ZFYVE9: variants seen among roughly 807,000 people sequenced by gnomAD.
The protein encoded by ZFYVE9 is zinc finger FYVE-type containing 9.
In ZFYVE9, 43 loss-of-function variants were observed where a neutral mutation model predicts 126.7. The ratio of observed to expected loss-of-function variants is 0.34; its 90% CI spans 0.27 to 0.44. The LOEUF is 0.44. ZFYVE9 is among the 20% of genes least tolerant of loss of function. The probability of loss-of-function intolerance (pLI) is 1.00; values close to 1 mark genes in which losing one functional copy is unlikely to be tolerated. For missense variants in ZFYVE9, 1,476 were observed against 1,697.0 expected (o/e 0.87, Z 2.29); for synonymous variants, 521 against 597.4 (o/e 0.87, Z 1.87).
chr1:52,162,474 T>A, intron 1 of ZFYVE9: 1 of 252,906 alleles, frequency 4.0e-6, no homozygotes, highest in South Asian at 6.3e-5. Flanking sequence ...ATCATCCAGC[T>A]CCTTTCTGTT....
At chr1:52,308,032 G>C (rs1005763994) in intron 13 of ZFYVE9, among the ~76,000 whole-genome samples, 1 of 152,124 alleles carries the variant, frequency 6.6e-6, no homozygotes, top group Admixed American at 6.5e-5. Context: ...GATTACAGGC[G>C]TGAGCCACTG....
chr1:52,225,488 A>G (rs967447599), intron 2 of ZFYVE9, among the ~76,000 whole-genome samples: 1 of 152,240 alleles, frequency 6.6e-6, no homozygotes, highest in African/African-American at 2.4e-5. Context: ...ACAAGAGCAC[A>G]CCAAACGAAG....
intron 1 of ZFYVE9, chr1:52,162,135 GAAAAT>G (rs1644467495): frequency 5.9e-6 from 1 of 168,140 alleles, no homozygotes; most frequent in Admixed American, 6.0e-5. Context: ...AGAGGAAAAA[GAAAAT>G]AAAGAGGAAA....
In ZFYVE9 at chr1:52,233,192, G is replaced by A; in HGVS notation, c.-15G>A. On this transcript the variant is annotated 5_prime_UTR_variant, in exon 3 of 19. Transcript: ENST00000287727. ...TTAGGTTTAAACAAGTCTCTTAAGT[G>A]GTGTTTCCTCACCGATGGAGAATTA... The A allele has an allele frequency of 1.9e-6, 3 of 1,558,216 alleles. No individual in the cohort carries two copies. The highest frequency in any genetic ancestry group is 2.6e-6 in the Non-Finnish European group (3 of 1,148,758).
At chr1:52,181,732 G>A (rs1408049542) in intron 1 of ZFYVE9, among the ~76,000 whole-genome samples, 5 of 151,274 alleles carry the variant, frequency 3.3e-5, no homozygotes, top group African/African-American at 9.7e-5. Context: ...CCTCTGCCCC[G>A]CTGCCCCGTC....
chr1:52,218,607 C>A (rs184743498), intron 2 of ZFYVE9, among the ~76,000 whole-genome samples: 1 of 152,296 alleles, frequency 6.6e-6, no homozygotes, highest in East Asian at 1.9e-4. Context: ...TCTGGCCTGC[C>A]TGTTGCACAA....
intron 10 of ZFYVE9, among the ~76,000 whole-genome samples, chr1:52,282,466 G>C (rs138770423): frequency 7.4e-4 from 113 of 152,278 alleles, no homozygotes; most frequent in African/African-American, 2.3e-3. Flanking sequence ...CTCGTTTATT[G>C]TAACAGGAAG....
At chr1:52,148,445 A>G (rs1225432280) in intron 1 of ZFYVE9, among the ~76,000 whole-genome samples, 1 of 151,108 alleles carries the variant, frequency 6.6e-6, no homozygotes, top group Non-Finnish European at 1.5e-5. Flanking sequence ...CCAAGACTGC[A>G]CCATTGCACT....
chr1:52,310,608 A>G (rs1014886434), intron 13 of ZFYVE9, among the ~76,000 whole-genome samples: 1 of 152,210 alleles, frequency 6.6e-6, no homozygotes, highest in Non-Finnish European at 1.5e-5. Context: ...CAAGTGGTGG[A>G]GCTGCCATCA....
At chr1:52,184,642 G>A (rs899414339) in intron 1 of ZFYVE9, among the ~76,000 whole-genome samples, 9 of 151,810 alleles carry the variant, frequency 5.9e-5, no homozygotes, top group African/African-American at 1.9e-4. Context: ...GATACTTAAT[G>A]TGACAACAAA....
intron 10 of ZFYVE9, among the ~76,000 whole-genome samples, chr1:52,290,153 C>G (rs1312518571): frequency 6.6e-6 from 1 of 152,102 alleles, no homozygotes; most frequent in Admixed American, 6.6e-5. Flanking sequence ...CTGCAAAGTC[C>G]AAGATTGAGG....
chr1:52,315,762 A>G (rs1031951201), intron 13 of ZFYVE9, among the ~76,000 whole-genome samples: 1 of 152,274 alleles, frequency 6.6e-6, no homozygotes, highest in Non-Finnish European at 1.5e-5. Context: ...ATATTAAAAA[A>G]AATGACTCAA....
At chr1:52,281,191 G>C (rs1395348870) in intron 9 of ZFYVE9, among the ~76,000 whole-genome samples, 2 of 147,802 alleles carry the variant, frequency 1.4e-5, no homozygotes, top group Non-Finnish European at 3.0e-5. Context: ...GGAGTGCAGT[G>C]GCTCGATCTC....
intron 2 of ZFYVE9, among the ~76,000 whole-genome samples, chr1:52,222,249 G>C (rs1572111504): frequency 1.3e-5 from 2 of 152,182 alleles, no homozygotes; most frequent in African/African-American, 4.8e-5. Context: ...TCTAGAACTT[G>C]TTCTAATATT....
At chr1:52,185,471 T>G (rs914093770) in intron 1 of ZFYVE9, among the ~76,000 whole-genome samples, 5 of 152,208 alleles carry the variant, frequency 3.3e-5, no homozygotes, top group African/African-American at 1.2e-4. Context: ...TGTCTAAAAT[T>G]CTATTGCTTA....
chr1:52,157,719 C>G (rs1572061679), intron 1 of ZFYVE9, among the ~76,000 whole-genome samples: 1 of 152,060 alleles, frequency 6.6e-6, no homozygotes, highest in South Asian at 2.1e-4. Flanking sequence ...ACCATATTCT[C>G]TTAACTATCT....
intron 1 of ZFYVE9, among the ~76,000 whole-genome samples, chr1:52,202,054 G>A (rs1412089579): frequency 1.3e-5 from 2 of 152,046 alleles, no homozygotes; most frequent in Non-Finnish European, 2.9e-5. Context: ...AAAGTGCTGG[G>A]ATTACAGGCG....
At chr1:52,272,673 CTT>C (rs58857376) in intron 7 of ZFYVE9, among the ~76,000 whole-genome samples, 6,030 of 121,014 alleles carry the variant, frequency 0.05, 237 homozygotes, top group African/African-American at 0.14. Flanking sequence ...TAGAAATAAT[CTT>C]TTTTTTTTTT....
At position 52,237,733 on chromosome 1, in the gene ZFYVE9, G is replaced by C. The variant is rs765490514; in HGVS notation, c.316G>C (p.Asp106His). ...TCCAGAGATTGCCACAATGTGGATT[G>C]ATGAAAATGCTGTTGCAGAAGACCA... ...LNPEIATMWI[D>H]ENAVAEDQLI... Residue 106 changes from aspartate (D) to histidine (H), a missense_variant, in exon 4 of 19, where the codon GAT becomes CAT. Transcript: ENST00000287727. 18 of 1,614,098 alleles carry C rather than the reference G, an allele frequency of 1.1e-5. No homozygotes were observed. Among genetic ancestry groups the C allele is most frequent in the Non-Finnish European group, 1.5e-5 (18 of 1,179,984 alleles).
Sources: allele counts gnomAD v4.1 joint callset (sites outside exome capture counted in the v4.1 genomes callset), GRCh38; gene constraint gnomAD v4.1.1; transcripts MANE v1.5; gene names NCBI Gene and HGNC (gene_info 2026-07-23, HGNC 2026-07-21).